NOL4: variants seen among roughly 807,000 people sequenced by gnomAD.
NOL4 encodes the protein nucleolar protein 4.
In NOL4, 17 loss-of-function variants were observed where a neutral mutation model predicts 75.9. That is an observed-to-expected ratio of 0.22 (90% CI 0.15 to 0.34). The LOEUF is 0.34. Ranked by LOEUF, NOL4 falls within the 10% of genes least tolerant of loss-of-function variation. NOL4 has a pLI of 1.00. For synonymous variants in NOL4, 292 were observed against 289.9 expected, an observed-to-expected ratio of 1.01 and a Z score of -0.07; for missense variants, 614 against 793.5, an observed-to-expected ratio of 0.77 and a Z score of 2.72.
intron 1 of NOL4, among the ~76,000 whole-genome samples, chr18:34,219,833 G>T (rs2037174101): frequency 6.6e-6 from 1 of 152,236 alleles, no homozygotes; most frequent in East Asian, 1.9e-4. Context: ...GCTCGCAAAA[G>T]CACAGGTCCC....
chr18:34,060,547 C>T (rs923236096), intron 5 of NOL4, among the ~76,000 whole-genome samples: 1 of 152,172 alleles, frequency 6.6e-6, no homozygotes, highest in African/African-American at 2.4e-5. Flanking sequence ...CACCCTTCTT[C>T]CCATTATTGA....
At chr18:33,979,251 C>T (rs1187129071) in intron 6 of NOL4, among the ~76,000 whole-genome samples, 8 of 151,946 alleles carry the variant, frequency 5.3e-5, no homozygotes, top group African/African-American at 1.9e-4. Context: ...ACCCCCCATT[C>T]CCCTTTAGAG....
intron 5 of NOL4, among the ~76,000 whole-genome samples, chr18:34,090,480 G>A (rs1345506903): frequency 6.6e-6 from 1 of 152,152 alleles, no homozygotes; most frequent in Non-Finnish European, 1.5e-5. Context: ...AGGGCTTGGA[G>A]AAATAAATTT....
At position 33,854,619 on chromosome 18, in the gene NOL4, C is replaced by T. The variant is rs560796718; in HGVS notation, c.1724-1584G>A. On this transcript the variant is annotated intron_variant, in intron 10 of 10. Coordinates refer to ENST00000261592, the MANE Select transcript of NOL4 (RefSeq NM_003787.5). ...AGGAGTAGTGGTCTCCAGATGAACC[C>T]ACTTTAAGTTTTGTTTTTCTTTATA... is the stretch of plus-strand genomic sequence containing the variant. Among the ~76,000 whole-genome samples, 10 of 151,864 alleles carry T rather than the reference C, an allele frequency of 6.6e-5. No homozygotes were observed. The South Asian group carries it at 1.7e-3, about 25-fold the overall frequency.
intron 2 of NOL4, among the ~76,000 whole-genome samples, chr18:34,129,278 T>C (rs147730264): frequency 2.5e-3 from 387 of 152,008 alleles, no homozygotes; most frequent in Non-Finnish European, 4.0e-3. Flanking sequence ...AAACATCATA[T>C]ACTTCCATTT....
chr18:34,156,423 C>G (rs993441849), intron 1 of NOL4, among the ~76,000 whole-genome samples: 1 of 152,092 alleles, frequency 6.6e-6, no homozygotes, highest in Admixed American at 6.6e-5. Context: ...AACTCTGGAG[C>G]CTACTTTCTT....
chr18:34,208,074 C>A (rs1460818901), intron 1 of NOL4, among the ~76,000 whole-genome samples: 2 of 152,164 alleles, frequency 1.3e-5, no homozygotes, highest in African/African-American at 2.4e-5. Context: ...TGTCTGCTTT[C>A]ATTGTGCAGT....
intron 1 of NOL4, chr18:34,221,986 G>A (rs2146649184): frequency 6.6e-7 from 1 of 1,504,492 alleles, no homozygotes; most frequent in South Asian, 1.2e-5. Context: ...ATGCCAGATA[G>A]CCTCCCCCAT....
intron 1 of NOL4, among the ~76,000 whole-genome samples, chr18:34,213,421 C>A (rs2036650095): frequency 6.6e-6 from 1 of 152,200 alleles, no homozygotes; most frequent in African/African-American, 2.4e-5. Context: ...TCCTGAGTAG[C>A]TGGGACTACA....
At chr18:34,155,893 T>A (rs1232522066) in intron 1 of NOL4, among the ~76,000 whole-genome samples, 1 of 152,134 alleles carries the variant, frequency 6.6e-6, no homozygotes, top group Non-Finnish European at 1.5e-5. Flanking sequence ...ATTTTCTTTC[T>A]AATCACTGTA....
chr18:34,183,519 T>G (rs182469493), intron 1 of NOL4: 2 of 152,064 alleles, frequency 1.3e-5, no homozygotes, highest in Admixed American at 1.3e-4. Context: ...AAAACTTACA[T>G]TCACATAAAA....
At chr18:34,058,707 C>T (rs1463721853) in intron 5 of NOL4, among the ~76,000 whole-genome samples, 1 of 152,104 alleles carries the variant, frequency 6.6e-6, no homozygotes, top group Non-Finnish European at 1.5e-5. Context: ...CAACTAGAAA[C>T]TGTATCCACA....
At chr18:34,215,079 C>A (rs1600901745) in intron 1 of NOL4, among the ~76,000 whole-genome samples, 1 of 152,164 alleles carries the variant, frequency 6.6e-6, no homozygotes, top group African/African-American at 2.4e-5. Flanking sequence ...CTCTGGAGAT[C>A]TGTTGCAAGA....
intron 6 of NOL4, among the ~76,000 whole-genome samples, chr18:33,962,196 C>A (rs1351866256): frequency 6.6e-6 from 1 of 152,044 alleles, no homozygotes; most frequent in Non-Finnish European, 1.5e-5. Context: ...AGCCCTGGAC[C>A]CTTAAGTTGT....
At chr18:33,858,456 T>C (rs2144202457) in intron 10 of NOL4, among the ~76,000 whole-genome samples, 1 of 152,060 alleles carries the variant, frequency 6.6e-6, no homozygotes, top group South Asian at 2.1e-4. Context: ...AAAGTATCCA[T>C]CCAGCACAAT....
chr18:33,953,417 A>G (rs2069393055), intron 8 of NOL4, among the ~76,000 whole-genome samples: 1 of 151,926 alleles, frequency 6.6e-6, no homozygotes, highest in South Asian at 2.1e-4. Flanking sequence ...TAGGGAGTTG[A>G]GTTAGGATTA....
At chr18:34,167,218 A>G (rs1346866526) in intron 1 of NOL4, among the ~76,000 whole-genome samples, 6 of 152,056 alleles carry the variant, frequency 3.9e-5, no homozygotes, top group African/African-American at 7.2e-5. Context: ...ACCATTTTCT[A>G]TCAGGGAATT....
At chr18:34,192,602 T>A (rs2146413489) in intron 1 of NOL4, among the ~76,000 whole-genome samples, 1 of 152,286 alleles carries the variant, frequency 6.6e-6, no homozygotes, top group Non-Finnish European at 1.5e-5. Context: ...CAAGAACTCA[T>A]AATGGAGAAA....
intron 5 of NOL4, among the ~76,000 whole-genome samples, chr18:34,066,902 T>A (rs1358747146): frequency 6.6e-6 from 1 of 152,104 alleles, no homozygotes; most frequent in South Asian, 2.1e-4. Flanking sequence ...TCGTTGGTAA[T>A]ACAACTCAAT....
Sources: gnomAD v4.1 joint callset for allele counts (sites outside exome capture counted in the v4.1 genomes callset) on GRCh38, gnomAD v4.1.1 for gene constraint, MANE v1.5 for transcripts, NCBI Gene and HGNC (gene_info 2026-07-23, HGNC 2026-07-21) for gene names.